Variants in RBFOX1 observed in about 807,000 individuals in gnomAD.
The protein encoded by RBFOX1 is RNA binding fox-1 homolog 1, also known as RNA binding protein fox-1 homolog 1.
In RBFOX1, 8 loss-of-function variants were observed where a neutral mutation model predicts 57.7. That is an observed-to-expected ratio of 0.14 (90% CI 0.08 to 0.25). The LOEUF (loss-of-function observed/expected upper bound fraction) is 0.25. Ranked by LOEUF, RBFOX1 falls within the 10% of genes least tolerant of loss-of-function variation. The pLI is 1.00. For synonymous variants in RBFOX1, 326 were observed against 222.4 expected (o/e 1.47, Z -4.15); for missense variants, 611 against 548.5 (o/e 1.11, Z -1.14).
intron 4 of RBFOX1, among the ~76,000 whole-genome samples, chr16:7,397,532 C>G (rs2098162434): frequency 1.3e-5 from 2 of 152,116 alleles, no homozygotes; most frequent in Non-Finnish European, 2.9e-5. Context: ...GTCTCAGAGC[C>G]TCCAGTTTTT....
chr16:7,189,583 A>T (rs2084860310), intron 4 of RBFOX1, among the ~76,000 whole-genome samples: 1 of 146,714 alleles, frequency 6.8e-6, no homozygotes, highest in South Asian at 2.1e-4. Flanking sequence ...ACACACACAC[A>T]CACATACACA....
At chr16:7,436,911 A>AAAAT (rs1246932894) in intron 4 of RBFOX1, among the ~76,000 whole-genome samples, 5 of 152,148 alleles carry the variant, frequency 3.3e-5, no homozygotes, top group South Asian at 2.1e-4. Context: ...AAAATACAAA[A>AAAAT]AAATAAATAA....
chr16:6,592,778 G>T (rs1024175966), intron 2 of RBFOX1, among the ~76,000 whole-genome samples: 6 of 152,200 alleles, frequency 3.9e-5, no homozygotes, highest in East Asian at 3.9e-4. Context: ...AGGTTATTCT[G>T]TTGTAGGCAA....
chr16:6,746,365 T>C (rs1018705716), intron 3 of RBFOX1, among the ~76,000 whole-genome samples: 3 of 152,084 alleles, frequency 2.0e-5, no homozygotes, highest in Admixed American at 2.0e-4. Context: ...GCAGACTTAA[T>C]GGAAAGCTAC....
intron 3 of RBFOX1, among the ~76,000 whole-genome samples, chr16:6,673,877 C>G (rs937297681): frequency 6.6e-6 from 1 of 152,162 alleles, no homozygotes; most frequent in Non-Finnish European, 1.5e-5. Context: ...AGAGAAGAAG[C>G]AAACACTTGT....
In RBFOX1 at chr16:7,472,615, G is replaced by T. The variant is rs531120164; in HGVS notation, c.28-45532G>T. ...TTCCACTTCTGTCCCCAGCAATTCA[G>T]TTCTTCTCCTCCGAGACTGCACTGT... On this transcript the variant is annotated intron_variant, in intron 4 of 15. Transcript: ENST00000550418. Among the ~76,000 whole-genome samples, 20 of 152,292 alleles carry T rather than the reference G, an allele frequency of 1.3e-4. No homozygotes were observed. The East Asian group carries it at 3.9e-3, about 29-fold the overall frequency.
At chr16:5,551,394 A>C (rs2045458602) in intron 2 of RBFOX1, among the ~76,000 whole-genome samples, 1 of 152,236 alleles carries the variant, frequency 6.6e-6, no homozygotes, top group South Asian at 2.1e-4. Flanking sequence ...GGACACAGCC[A>C]GAGCTGCTAG....
intron 4 of RBFOX1, among the ~76,000 whole-genome samples, chr16:5,912,765 G>A (rs542283089): frequency 2.6e-5 from 4 of 152,302 alleles, no homozygotes; most frequent in East Asian, 3.9e-4. Flanking sequence ...AATAATTACA[G>A]TGAAATAATT....
chr16:7,383,783 G>A (rs1186885926), intron 4 of RBFOX1, among the ~76,000 whole-genome samples: 5 of 152,068 alleles, frequency 3.3e-5, no homozygotes, highest in Non-Finnish European at 4.4e-5. Flanking sequence ...ATGGCCTGGC[G>A]AGGTGGCTCA....
chr16:7,666,283 G>A (rs1181934469), intron 13 of RBFOX1, among the ~76,000 whole-genome samples: 1 of 151,930 alleles, frequency 6.6e-6, no homozygotes, highest in South Asian at 2.1e-4. Flanking sequence ...AGTTGGCATC[G>A]CAGAATTTAG....
intron 4 of RBFOX1, among the ~76,000 whole-genome samples, chr16:5,959,608 C>G (rs2059710414): frequency 1.3e-5 from 2 of 152,058 alleles, no homozygotes; most frequent in South Asian, 4.1e-4. Context: ...AAGCCCAAAG[C>G]AAAAATACAA....
At chr16:5,453,027 T>C (rs187369697) in intron 1 of RBFOX1, among the ~76,000 whole-genome samples, 57 of 152,314 alleles carry the variant, frequency 3.7e-4, no homozygotes, top group African/African-American at 1.1e-3. Context: ...CCTCCTGCTA[T>C]TGGGACTCTG....
intron 3 of RBFOX1, among the ~76,000 whole-genome samples, chr16:5,842,684 G>A (rs2056655117): frequency 6.6e-6 from 1 of 152,188 alleles, no homozygotes; most frequent in South Asian, 2.1e-4. Flanking sequence ...CTCATCGGAG[G>A]AAATGTACCT....
intron 4 of RBFOX1, among the ~76,000 whole-genome samples, chr16:7,357,042 G>A (rs1397117743): frequency 6.6e-6 from 1 of 152,160 alleles, no homozygotes; most frequent in Non-Finnish European, 1.5e-5. Flanking sequence ...CAGGAATCCA[G>A]GGATCTATCT....
intron 1 of RBFOX1, among the ~76,000 whole-genome samples, chr16:6,131,825 G>A (rs1041425422): frequency 6.6e-6 from 1 of 152,124 alleles, no homozygotes; most frequent in Non-Finnish European, 1.5e-5. Flanking sequence ...TGCTGCTGGT[G>A]GTAACACATT....
At chr16:6,184,390 A>C (rs2097091321) in intron 1 of RBFOX1, among the ~76,000 whole-genome samples, 1 of 152,158 alleles carries the variant, frequency 6.6e-6, no homozygotes, top group Admixed American at 6.5e-5. Flanking sequence ...GAGACATTAC[A>C]CTCATGGGGG....
intron 4 of RBFOX1, among the ~76,000 whole-genome samples, chr16:7,267,972 A>C (rs559712469): frequency 6.6e-6 from 1 of 152,160 alleles, no homozygotes; most frequent in Non-Finnish European, 1.5e-5. Flanking sequence ...TCGTTAGGCA[A>C]TCTTGTCATT....
intron 1 of RBFOX1, among the ~76,000 whole-genome samples, chr16:5,374,057 A>ACAGGCACCTGCCATCATGTG (rs1014128733): frequency 2.0e-4 from 31 of 152,296 alleles, no homozygotes; most frequent in South Asian, 1.2e-3. Context: ...AGCTGCGATT[A>ACAGGCACCTGCCATCATGTG]CAGGCACCTG....
intron 4 of RBFOX1, among the ~76,000 whole-genome samples, chr16:7,204,197 C>G (rs767403110): frequency 3.3e-5 from 5 of 152,328 alleles, no homozygotes; most frequent in Non-Finnish European, 7.4e-5. Context: ...ATGATCCATT[C>G]TCAATGAACC....
Sources: allele counts gnomAD v4.1 joint callset (sites outside exome capture counted in the v4.1 genomes callset), GRCh38; gene constraint gnomAD v4.1.1; transcripts MANE v1.5; gene names NCBI Gene and HGNC (gene_info 2026-07-23, HGNC 2026-07-21).